Variants in ATL1 observed in about 807,000 individuals in gnomAD.
ATL1 encodes the protein atlastin GTPase 1.
ATL1 carries 31 observed loss-of-function variants against 75.5 expected under a neutral mutation model. The ratio of observed to expected loss-of-function variants is 0.41; its 90% CI spans 0.31 to 0.55. The LOEUF (loss-of-function observed/expected upper bound fraction) is 0.55. Among genes scored for constraint, ATL1 ranks in the 20% least tolerant of loss-of-function variants. The pLI, the probability that ATL1 is intolerant of heterozygous loss-of-function variation, is 0.27. For synonymous variants in ATL1, 226 were observed against 233.3 expected, an observed-to-expected ratio of 0.97 and a Z score of 0.28; for missense variants, 405 against 662.6, an observed-to-expected ratio of 0.61 and a Z score of 4.27.
chr14:50,607,617 C>A (rs1219052783), intron 6 of ATL1, among the ~76,000 whole-genome samples: 1 of 151,908 alleles, frequency 6.6e-6, no homozygotes, highest in African/African-American at 2.4e-5. Context: ...CTGGTGTTTA[C>A]CTTTACCTGA....
rs1412659985 is a variant in ATL1, at chr14:50,575,645, T to A, written c.35-12186T>A. 2.0e-5 allele frequency among the ~76,000 whole-genome samples: 3 copies of A among 152,220 alleles called. 1 individual carries two copies. Among genetic ancestry groups the A allele is most frequent in the Non-Finnish European group, 4.4e-5 (3 of 68,016 alleles). On this transcript the variant is annotated intron_variant, in intron 1 of 13. Transcript: ENST00000358385. ...TTTAAGAAAAAGTAACAGTTCTTTT[T>A]AATTTTAGTTGCCAAGAGATAGTTT... is the stretch of plus-strand genomic sequence containing the variant.
intron 1 of ATL1, among the ~76,000 whole-genome samples, chr14:50,549,559 G>T (rs987958463): frequency 3.9e-5 from 6 of 152,172 alleles, no homozygotes; most frequent in Non-Finnish European, 7.3e-5. Flanking sequence ...CACAACAATT[G>T]GGGCCTTCCC....
chr14:50,571,724 C>G (rs932358154), intron 1 of ATL1, among the ~76,000 whole-genome samples: 1 of 152,036 alleles, frequency 6.6e-6, no homozygotes, highest in African/African-American at 2.4e-5. Flanking sequence ...ACTGGGTTTG[C>G]TAATCTTTAG....
chr14:50,598,817 G>A (rs940871294), intron 6 of ATL1, among the ~76,000 whole-genome samples: 3 of 150,766 alleles, frequency 2.0e-5, no homozygotes, highest in African/African-American at 7.3e-5. Context: ...TGGGAGCCTG[G>A]TAGTCAATAG....
intron 6 of ATL1, among the ~76,000 whole-genome samples, chr14:50,597,174 A>G (rs911729149): frequency 6.9e-6 from 1 of 144,038 alleles, no homozygotes; most frequent in Non-Finnish European, 1.5e-5. Flanking sequence ...GCACCATTGC[A>G]CTCTAGCCTG....
intron 1 of ATL1, among the ~76,000 whole-genome samples, chr14:50,580,774 G>GA (rs2039048050): frequency 6.6e-6 from 1 of 152,110 alleles, no homozygotes; most frequent in Non-Finnish European, 1.5e-5. Context: ...GTTTGTGTAA[G>GA]ATTGCTCTTC....
rs1157709665 is a variant in ATL1 at position 50,624,971 on chromosome 14, G to A, written c.1119+1723G>A. Among the ~76,000 whole-genome samples, 4 of 149,330 alleles carry A rather than the reference G, an allele frequency of 2.7e-5. No homozygotes were observed. In the East Asian group the frequency reaches 5.8e-4, roughly 22 times the overall value. On this transcript the variant is annotated intron_variant, in intron 11 of 13. Transcript: ENST00000358385. ...CATAGTCCCAGTTACTTGGGAGGCC[G>A]AGGCAGGAGAATCGCTTGAACCCAG... is the stretch of plus-strand genomic sequence containing the variant.
chr14:50,625,074 G>GA (rs1444551384), intron 11 of ATL1, among the ~76,000 whole-genome samples: 177 of 75,676 alleles, frequency 2.3e-3, no homozygotes, highest in South Asian at 2.1e-3. Flanking sequence ...GGCTCTGTCT[G>GA]AAAAAAAAAA....
At chr14:50,597,610 T>C (rs760855155) in intron 6 of ATL1, among the ~76,000 whole-genome samples, 1 of 152,062 alleles carries the variant, frequency 6.6e-6, no homozygotes, top group Non-Finnish European at 1.5e-5. Flanking sequence ...ATCTGCTTAA[T>C]AGCATATATA....
intron 2 of ATL1, 98 bp from the exon 3 acceptor site, chr14:50,590,843 T>C: frequency 1.5e-6 from 2 of 1,314,040 alleles, no homozygotes; most frequent in South Asian, 2.4e-5. Flanking sequence ...TTGTTTCCTT[T>C]TAACTCGAAT....
Position 50,613,368 on chromosome 14 carries a change from G to C in ATL1, c.723+17G>C, listed in dbSNP as rs201235423. On this transcript the variant is annotated intron_variant, in intron 7 of 13. Transcript: ENST00000358385. ...CGCCTCAAGGTTTGTTAGATATTTA[G>C]GTGCATGAAATTTCACTAATAATCT... 6.3e-7 allele frequency: 1 copy of C among 1,585,158 alleles called. No individual in the cohort carries two copies. The highest frequency in any genetic ancestry group is 8.7e-7 in the Non-Finnish European group (1 of 1,154,938).
At chr14:50,573,758 A>C (rs1388713593) in intron 1 of ATL1, among the ~76,000 whole-genome samples, 2 of 152,294 alleles carry the variant, frequency 1.3e-5, no homozygotes, top group East Asian at 3.9e-4. Context: ...TTTTAAAAAA[A>C]CATGAAGTGG....
intron 1 of ATL1, among the ~76,000 whole-genome samples, chr14:50,551,729 T>C (rs2038705267): frequency 6.6e-6 from 1 of 152,068 alleles, no homozygotes; most frequent in Non-Finnish European, 1.5e-5. Flanking sequence ...CATATGCAAA[T>C]CAATAAATGT....
At chr14:50,552,563 A>G (rs1172687295) in intron 1 of ATL1, among the ~76,000 whole-genome samples, 1 of 152,188 alleles carries the variant, frequency 6.6e-6, no homozygotes, top group East Asian at 1.9e-4. Context: ...CCAAAGCAGT[A>G]ATAAGAAAAA....
chr14:50,583,026 C>T (rs1354807398), intron 1 of ATL1, among the ~76,000 whole-genome samples: 1 of 151,950 alleles, frequency 6.6e-6, no homozygotes, highest in Non-Finnish European at 1.5e-5. Flanking sequence ...TTTTAGAAAC[C>T]CTTAGTAAAC....
chr14:50,631,501 T>TA (rs770035789), intron 13 of ATL1, among the ~76,000 whole-genome samples: 1 of 152,176 alleles, frequency 6.6e-6, no homozygotes, highest in African/African-American at 2.4e-5. Flanking sequence ...GATGAAATCT[T>TA]AGACACTAGC....
chr14:50,558,037 A>T (rs1466724827), upstream of ATL1, among the ~76,000 whole-genome samples: 2 of 152,230 alleles, frequency 1.3e-5, 1 homozygote, highest in South Asian at 4.1e-4. Flanking sequence ...CAATTTTTTT[A>T]AAAGCTTCCA....
chr14:50,586,706 AT>A lies in ATL1; in HGVS notation c.35-1112del, dbSNP rs11455374. ...ATTTGATTGCTACCAAAGAGGCAGA[AT>A]TTTTTTTTTTTTATTGTAGTAGAAA... On this transcript the variant is annotated intron_variant, in intron 1 of 13. Transcript: ENST00000358385. Among the ~76,000 whole-genome samples the A allele has an allele frequency of 8.3e-3, 1,214 of 146,192 alleles. 11 individuals carry two copies. Among genetic ancestry groups the A allele is most frequent in the African/African-American group, 0.02 (826 of 40,330 alleles).
At chr14:50,611,529 T>G (rs2039366465) in intron 6 of ATL1, among the ~76,000 whole-genome samples, 1 of 152,112 alleles carries the variant, frequency 6.6e-6, no homozygotes, top group South Asian at 2.1e-4. Flanking sequence ...CTGAGAATGC[T>G]GATTTTCTTA....
Sources: allele counts gnomAD v4.1 joint callset (sites outside exome capture counted in the v4.1 genomes callset), GRCh38; gene constraint gnomAD v4.1.1; transcripts MANE v1.5; gene names NCBI Gene and HGNC (gene_info 2026-07-23, HGNC 2026-07-21).